The following ARHGAP12 variants were observed in gnomAD, a reference collection of about 807,000 sequenced individuals.
ARHGAP12 encodes the protein Rho GTPase activating protein 12, also known as rho GTPase-activating protein 12.
A neutral mutation model predicts 108.6 loss-of-function variants in ARHGAP12; 64 were observed. The observed-to-expected ratio is 0.59, with a 90% CI of 0.48 to 0.73. ARHGAP12 has a LOEUF of 0.73. ARHGAP12 is among the 30% of genes least tolerant of loss of function. The pLI is 0.00. For missense variants in ARHGAP12, 940 were observed against 1,005.9 expected, an observed-to-expected ratio of 0.93 and a Z score of 0.89; for synonymous variants, 312 against 337.2, an observed-to-expected ratio of 0.93 and a Z score of 0.82.
chr10:31,887,793 G>A (rs911529507), intron 3 of ARHGAP12, among the ~76,000 whole-genome samples: 1 of 151,856 alleles, frequency 6.6e-6, no homozygotes, highest in Non-Finnish European at 1.5e-5. Flanking sequence ...AAGTAGCTGG[G>A]ACTACAGGTG....
At chr10:31,826,494 C>T (rs1402480821) in intron 10 of ARHGAP12, 109 bp from the exon 11 acceptor site, 8 of 771,626 alleles carry the variant, frequency 1.0e-5, no homozygotes, top group Middle Eastern at 2.4e-4. Context: ...CAATTTACAG[C>T]CTTGTTGACA....
rs907025251 is a variant in ARHGAP12 at position 31,814,117 on chromosome 10, C to G, written c.1834+142G>C. ...TTAACAAGAAGAAAGAGCGCTGACA[C>G]ACTGAGACTGCACTTGGTTAACTGC... On this transcript the variant is annotated intron_variant, in intron 14 of 19. Coordinates refer to ENST00000344936, the MANE Select transcript of ARHGAP12 (RefSeq NM_018287.7). 3.9e-5 allele frequency: 26 copies of G among 665,250 alleles called. No homozygotes were observed. In the South Asian group the frequency reaches 4.3e-4, roughly 11 times the overall value. The allele number at this position is 665,250 out of a possible 1,614,324, so 41.2% of individuals were successfully genotyped here. A position where few individuals can be genotyped will look rare whatever the true frequency, so the allele number is the denominator to read the frequency against.
chr10:31,829,235 C>T (rs186454180), intron 10 of ARHGAP12, among the ~76,000 whole-genome samples: 1 of 152,200 alleles, frequency 6.6e-6, no homozygotes, highest in Non-Finnish European at 1.5e-5. Flanking sequence ...ATAAACCAGT[C>T]ACAAAAGTTA....
chr10:31,896,309 A>G (rs576881917), intron 3 of ARHGAP12, among the ~76,000 whole-genome samples: 374 of 119,030 alleles, frequency 3.1e-3, no homozygotes, highest in African/African-American at 0.018. Context: ...TTTTACTTTG[A>G]AAAAAAAAAA....
At chr10:31,916,355 C>T (rs1053503516) in intron 1 of ARHGAP12, among the ~76,000 whole-genome samples, 4 of 152,170 alleles carry the variant, frequency 2.6e-5, no homozygotes, top group Admixed American at 6.6e-5. Flanking sequence ...CCGACACACA[C>T]GCCTGCTTAT....
chr10:31,907,241 CAA>C (rs1473501476), intron 3 of ARHGAP12, among the ~76,000 whole-genome samples: 3 of 151,950 alleles, frequency 2.0e-5, no homozygotes, highest in Non-Finnish European at 4.4e-5. Context: ...AAAATATATT[CAA>C]GTTTCAATTT....
chr10:31,833,043 T>C (rs1274593144), intron 9 of ARHGAP12, among the ~76,000 whole-genome samples: 1 of 152,106 alleles, frequency 6.6e-6, no homozygotes, highest in Non-Finnish European at 1.5e-5. Flanking sequence ...ATTGTAAGTA[T>C]GTGTGAGATT....
chr10:31,891,429 A>C (rs1366190975), intron 3 of ARHGAP12, among the ~76,000 whole-genome samples: 1 of 152,204 alleles, frequency 6.6e-6, no homozygotes, highest in Non-Finnish European at 1.5e-5. Context: ...TCTGGCTTGC[A>C]GAGTTTCTGC....
chr10:31,914,434 A>G (rs1011176566), intron 1 of ARHGAP12, among the ~76,000 whole-genome samples: 3 of 152,100 alleles, frequency 2.0e-5, no homozygotes, highest in African/African-American at 4.8e-5. Context: ...AAGGAATCAA[A>G]TAACTCAATA....
intron 3 of ARHGAP12, among the ~76,000 whole-genome samples, chr10:31,870,266 A>G (rs1837490744): frequency 7.1e-6 from 1 of 141,262 alleles, no homozygotes; most frequent in South Asian, 2.2e-4. Flanking sequence ...TCTCGCTCTC[A>G]TTGCCCAGGC....
intron 7 of ARHGAP12, among the ~76,000 whole-genome samples, chr10:31,843,170 T>C (rs1295736905): frequency 6.6e-6 from 1 of 152,070 alleles, no homozygotes; most frequent in East Asian, 1.9e-4. Context: ...AAGCTACAGA[T>C]AAGTCAGTCT....
intron 3 of ARHGAP12, among the ~76,000 whole-genome samples, chr10:31,869,563 AAAC>A (rs776776804): frequency 6.6e-6 from 1 of 151,928 alleles, no homozygotes; most frequent in Non-Finnish European, 1.5e-5. Flanking sequence ...ACAAACAACA[AAAC>A]ACCACCCCCT....
At chr10:31,890,578 A>T (rs1197792880) in intron 3 of ARHGAP12, among the ~76,000 whole-genome samples, 1 of 152,178 alleles carries the variant, frequency 6.6e-6, no homozygotes, top group Non-Finnish European at 1.5e-5. Flanking sequence ...CATTTCAGAA[A>T]ATTTTAAGAA....
intron 3 of ARHGAP12, among the ~76,000 whole-genome samples, chr10:31,901,068 A>G (rs973155302): frequency 7.2e-5 from 11 of 151,844 alleles, no homozygotes; most frequent in Admixed American, 2.0e-4. Context: ...AATACAAAAA[A>G]TTAGCTGGGC....
intron 3 of ARHGAP12, among the ~76,000 whole-genome samples, chr10:31,906,893 A>G (rs1351515106): frequency 6.6e-6 from 1 of 152,152 alleles, no homozygotes; most frequent in African/African-American, 2.4e-5. Flanking sequence ...AAATATAGAA[A>G]AATTCCAGGA....
chr10:31,856,660 G>A (rs1836898091), intron 4 of ARHGAP12, among the ~76,000 whole-genome samples: 1 of 152,120 alleles, frequency 6.6e-6, no homozygotes, highest in Admixed American at 6.5e-5. Flanking sequence ...TCCGTCAGAA[G>A]AGACTCACCT....
At chr10:31,890,628 A>C (rs909160976) in intron 3 of ARHGAP12, among the ~76,000 whole-genome samples, 6 of 152,212 alleles carry the variant, frequency 3.9e-5, no homozygotes, top group African/African-American at 1.4e-4. Flanking sequence ...GTGTGGCAAG[A>C]GAGGACTTAT....
chr10:31,908,906 T>C lies in ARHGAP12; in HGVS notation c.-51A>G. 2 of 1,460,268 alleles carry C rather than the reference T, an allele frequency of 1.4e-6. No individual in the cohort carries two copies. The highest frequency in any genetic ancestry group is 1.8e-6 in the Non-Finnish European group (2 of 1,092,038). 90.5% of individuals were successfully genotyped at this position (1,460,268 alleles called of 1,614,324 possible). A position where few individuals can be genotyped will look rare whatever the true frequency, so the allele number is the denominator to read the frequency against. The stretch of plus-strand genomic sequence containing the variant: ...GATGTTATACCACATTATGGCTTTA[T>C]GGCTTGTTGGATGAATATAGCTGTT... On this transcript the variant is annotated 5_prime_UTR_variant, in exon 3 of 20. Transcript: ENST00000344936.
Position 31,924,628 on chromosome 10 carries a change from G to A in ARHGAP12, c.-111+4055C>T, listed in dbSNP as rs796538384. ...ATGTACATTACACTTTAATAAAACTGAAATTTAAAAATATATATTATGTAG... is the reference window on the plus strand; with the variant it reads ...ATGTACATTACACTTTAATAAAACTAAAATTTAAAAATATATATTATGTAG... On this transcript the variant is annotated intron_variant, in intron 1 of 19. Transcript: ENST00000344936. 1.3e-4 allele frequency among the ~76,000 whole-genome samples: 20 copies of A among 152,172 alleles called. 1 individual carries two copies. The highest frequency in any genetic ancestry group is 4.8e-4 in the African/African-American group (20 of 41,534).
Sources: gnomAD v4.1 joint callset for allele counts (sites outside exome capture counted in the v4.1 genomes callset) on GRCh38, gnomAD v4.1.1 for gene constraint, MANE v1.5 for transcripts, NCBI Gene and HGNC (gene_info 2026-07-23, HGNC 2026-07-21) for gene names.